The following GPT variants were observed in gnomAD, a reference collection of about 807,000 sequenced individuals.
GPT encodes the protein alanine aminotransferase 1.
A neutral mutation model predicts 51.4 loss-of-function variants in GPT; 60 were observed. The observed-to-expected ratio is 1.17, with a 90% CI of 0.95 to 1.45. The LOEUF is 1.45. Ranked by LOEUF, GPT falls within the 40% of genes most tolerant of loss-of-function variation. The pLI is 0.00. For missense variants in GPT, 853 were observed against 704.0 expected, an observed-to-expected ratio of 1.21 and a Z score of -2.40; for synonymous variants, 397 against 303.1, an observed-to-expected ratio of 1.31 and a Z score of -3.22.
rs1458339271 is a variant in GPT at position 144,505,244 on chromosome 8, A to C, written c.496-2A>C. 3.1e-6 allele frequency: 5 copies of C among 1,607,674 alleles called. No individual in the cohort carries two copies. The East Asian group carries it at 1.1e-4, about 36-fold the overall frequency. On this transcript the variant is annotated splice_acceptor_variant, in intron 4 of 10. Transcript: ENST00000394955. LOFTEE classifies it high-confidence loss of function. Reference sequence around the variant, plus strand: ...ACCCTGCCTTCCCCTTCCTTTCCGCAGACGGTGCTGAAGCTGCTGGTGGCC... The same window carrying C: ...ACCCTGCCTTCCCCTTCCTTTCCGCCGACGGTGCTGAAGCTGCTGGTGGCC...
chr8:144,505,504 G>A lies in GPT; in HGVS notation c.739+15G>A, dbSNP rs1214150855. On this transcript the variant is annotated intron_variant, in intron 5 of 10. Coordinates refer to ENST00000394955, the MANE Select transcript of GPT (RefSeq NM_005309.3). ...CAACCCCACCGGTGCGTTCCCCGCC[G>A]CCCCGCCCCACTCCCCCCGCGCCCA... The A allele has an allele frequency of 3.5e-6, 4 of 1,132,756 alleles. No individual in the cohort carries two copies. Among genetic ancestry groups the A allele is most frequent in the South Asian group, 1.3e-5 (1 of 74,378 alleles). The allele number at this position is 1,132,756 out of a possible 1,614,324, so 70.2% of individuals were successfully genotyped here. A position where few individuals can be genotyped will look rare whatever the true frequency, so the allele number is the denominator to read the frequency against.
In GPT at chr8:144,505,863, G is replaced by C. The variant is rs1358575854; in HGVS notation, c.755G>C (p.Arg252Pro). 1 of 1,554,352 alleles carries C rather than the reference G, an allele frequency of 6.4e-7. No individual in the cohort carries two copies. Among genetic ancestry groups the C allele is most frequent in the Admixed American group, 1.9e-5 (1 of 51,664 alleles). The change falls in exon 6 of 11, where the codon CGC (arginine) becomes CCC (proline). Residue 252 changes from arginine (R) to proline (P), a missense_variant. Physicochemically the swap from Arg to Pro is moderately radical, Grantham distance 103. Transcript: ENST00000394955. ...PGNPTGQVQTRECIEAVIRFA... is the reference protein window; with the variant it reads ...PGNPTGQVQTPECIEAVIRFA... ...GGCACCCCAGGGCAGGTGCAGACCC[G>C]CGAGTGCATCGAGGCCGTGATCCGC... is the stretch of plus-strand genomic sequence containing the variant.
chr8:144,504,079 C>G, upstream of GPT: 1 of 602,082 alleles, frequency 1.7e-6, no homozygotes, highest in Non-Finnish European at 3.0e-6. Context: ...CAGAGCTGTT[C>G]CCAGACGGGT....
chr8:144,506,446 G>A lies in GPT; in HGVS notation c.1131+40G>A. ...GGAGGGGGTCCAGGTGACCTAATCA[G>A]GGGTGGGGGATGCCGAGTGCCGTGC... On this transcript the variant is annotated intron_variant, in intron 8 of 10. Coordinates refer to ENST00000394955, the MANE Select transcript of GPT (RefSeq NM_005309.3). The surrounding 1 kb of genome is among the most constrained non-coding windows in gnomAD (Gnocchi z 7.0). The A allele has an allele frequency of 6.4e-7, 1 of 1,569,632 alleles. No individual in the cohort carries two copies.
rs765483408 is a variant in GPT at position 144,504,592 on chromosome 8, C to T, written c.163-12C>T. On this transcript the variant is annotated splice_polypyrimidine_tract_variant and intron_variant, in intron 1 of 10. Coordinates refer to ENST00000394955, the MANE Select transcript of GPT (RefSeq NM_005309.3). Reference sequence around the variant, plus strand: ...GGGCACAGTCTCCCTGCCTGCTCCCCTCCCCTCCCAGGGTGTGAAGAAGCC... The same window carrying T: ...GGGCACAGTCTCCCTGCCTGCTCCCTTCCCCTCCCAGGGTGTGAAGAAGCC... 2.4e-5 allele frequency: 39 copies of T among 1,612,388 alleles called. No individual in the cohort carries two copies. The highest frequency in any genetic ancestry group is 2.2e-5 in the South Asian group (2 of 91,084).
In GPT at chr8:144,504,292, T is replaced by G. The variant is rs770110037; in HGVS notation, c.-13T>G. The G allele has an allele frequency of 1.2e-6, 2 of 1,606,506 alleles. No individual in the cohort carries two copies. The highest frequency in any genetic ancestry group is 1.7e-6 in the Non-Finnish European group (2 of 1,179,706). On this transcript the variant is annotated 5_prime_UTR_variant, in exon 1 of 11. Coordinates refer to ENST00000394955, the MANE Select transcript of GPT (RefSeq NM_005309.3). ...CCTCCTGAGCTGCCTTCCCGCCTGG[T>G]CTGGGTAGAGTCATGGCCTCGAGCA...
Position 144,506,723 on chromosome 8 carries a change from G to C in GPT, c.1288-8G>C, listed in dbSNP as rs1243215630. On this transcript the variant is annotated splice_polypyrimidine_tract_variant and splice_region_variant and intron_variant, in intron 9 of 10. Coordinates refer to ENST00000394955, the MANE Select transcript of GPT (RefSeq NM_005309.3). This position sits in a 1 kb window ranked among gnomAD's most constrained non-coding sequence, Gnocchi z 7.0. Reference sequence around the variant, plus strand: ...GGGCATCCCTCTCTGACGGCTCTCCGTCCACAGGAGCTGGGCCTGGCCCCC... The same window carrying C: ...GGGCATCCCTCTCTGACGGCTCTCCCTCCACAGGAGCTGGGCCTGGCCCCC... 2 of 1,610,230 alleles carry C rather than the reference G, an allele frequency of 1.2e-6. No individual in the cohort carries two copies. Among genetic ancestry groups the C allele is most frequent in the Non-Finnish European group, 1.7e-6 (2 of 1,179,346 alleles).
Position 144,504,777 on chromosome 8 carries a change from G to A in GPT, c.259G>A (p.Ala87Thr). 1.9e-6 allele frequency: 3 copies of A among 1,613,648 alleles called. No individual in the cohort carries two copies. The highest frequency in any genetic ancestry group is 2.5e-6 in the Non-Finnish European group (3 of 1,179,988). Reference protein sequence around the residue: ...RPITFLRQVLALCVNPDLLSS... With the variant: ...RPITFLRQVLTLCVNPDLLSS... ...CAGCACTCCGTCTTCCCAGGTCTTG[G>A]CCCTCTGTGTTAACCCTGATCTTCT... Residue 87 changes from alanine (A) to threonine (T), a missense_variant, in exon 3 of 11, where the codon GCC becomes ACC. Coordinates refer to ENST00000394955, the MANE Select transcript of GPT (RefSeq NM_005309.3).
chr8:144,506,595 A>C lies in GPT; in HGVS notation c.1226A>C (p.Gln409Pro). 3.8e-6 allele frequency: 6 copies of C among 1,558,556 alleles called. No individual in the cohort carries two copies. The highest frequency in any genetic ancestry group is 5.2e-6 in the Non-Finnish European group (6 of 1,151,854). The part of the protein sequence containing the change: ...EAPGISCNPV[Q>P]GAMYSFPRVQ... The stretch of plus-strand genomic sequence containing the variant: ...CCTGGCATCAGCTGCAACCCAGTGC[A>C]GGGCGCCATGTACTCCTTCCCGCGC... Residue 409 changes from glutamine (Q) to proline (P), a missense_variant, in exon 9 of 11, where the codon CAG (glutamine) becomes CCG (proline). Transcript: ENST00000394955. The surrounding 1 kb of genome is among the most constrained non-coding windows in gnomAD (Gnocchi z 7.0).
At position 144,504,611 on chromosome 8, in the gene GPT, A is replaced by C; in HGVS notation, c.170A>C (p.Lys57Thr). Reference protein sequence around the residue: ...ELEQELRQGVKKPFTEVIRAN... With the variant: ...ELEQELRQGVTKPFTEVIRAN... ...GCTCCCCTCCCCTCCCAGGGTGTGA[A>C]GAAGCCTTTCACCGAGGTCATCCGT... is the stretch of plus-strand genomic sequence containing the variant. Residue 57 changes from lysine to threonine, a missense_variant, in exon 2 of 11, where the codon AAG (lysine) becomes ACG (threonine). Coordinates refer to ENST00000394955, the MANE Select transcript of GPT (RefSeq NM_005309.3). The C allele has an allele frequency of 6.2e-7, 1 of 1,613,020 alleles. No homozygotes were observed. Among genetic ancestry groups the C allele is most frequent in the Non-Finnish European group, 8.5e-7 (1 of 1,179,952 alleles).
chr8:144,504,339 T>C lies in GPT; in HGVS notation c.35T>C (p.Val12Ala). 2 of 1,610,532 alleles carry C rather than the reference T, an allele frequency of 1.2e-6. No individual in the cohort carries two copies. The highest frequency in any genetic ancestry group is 1.7e-6 in the Non-Finnish European group (2 of 1,179,862). The change falls in exon 1 of 11, where the codon GTG becomes GCG. Residue 12 changes from valine (V) to alanine (A), a missense_variant. Val to Ala is a moderately conservative substitution (Grantham distance 64, BLOSUM62 0). Transcript: ENST00000394955. ...AGCACAGGTGACCGGAGCCAGGCGG[T>C]GAGGCATGGACTGAGGGCGAAGGTG... Reference protein sequence around the residue: ...ASSTGDRSQAVRHGLRAKVLT... With the variant: ...ASSTGDRSQAARHGLRAKVLT...
Position 144,506,386 on chromosome 8 carries a change from T to A in GPT, c.1111T>A (p.Ser371Thr). The stretch of plus-strand genomic sequence containing the variant: ...CAGCCCGCCCGCGCCCACCGACCCC[T>A]CCTTTGCGCAGTTCCAGGCTGTGAG... ...VVSPPAPTDP[S>T]FAQFQAEKQA... The change falls in exon 8 of 11, where the codon TCC (serine) becomes ACC (threonine). Residue 371 changes from serine to threonine, a missense_variant. By Grantham distance (58) the Ser-to-Thr change is moderately conservative. Transcript: ENST00000394955. The surrounding 1 kb of genome is among the most constrained non-coding windows in gnomAD (Gnocchi z 7.0). 2 of 1,559,598 alleles carry A rather than the reference T, an allele frequency of 1.3e-6. No homozygotes were observed. The highest frequency in any genetic ancestry group is 1.7e-6 in the Non-Finnish European group (2 of 1,155,286).
rs775104723 is a variant in GPT at position 144,506,636 on chromosome 8, C to A, written c.1267C>A (p.Arg423=). The A allele has an allele frequency of 8.5e-6, 11 of 1,301,144 alleles. No individual in the cohort carries two copies. Among genetic ancestry groups the A allele is most frequent in the Admixed American group, 2.4e-5 (1 of 42,538 alleles). 80.6% of individuals were successfully genotyped at this position (1,301,144 alleles called of 1,614,324 possible). A position where few individuals can be genotyped will look rare whatever the true frequency, so the allele number is the denominator to read the frequency against. Residue 423 remains arginine (R), a synonymous_variant, in exon 9 of 11, where the codon CGG becomes AGG. Transcript: ENST00000394955. The surrounding 1 kb of genome is among the most constrained non-coding windows in gnomAD (Gnocchi z 7.0). ...CTTCCCGCGCGTGCAGCTGCCCCCGCGGGCGGTGGAGCGCGCTCAGGTCAG... is the reference window on the plus strand; with the variant it reads ...CTTCCCGCGCGTGCAGCTGCCCCCGAGGGCGGTGGAGCGCGCTCAGGTCAG... ...YSFPRVQLPP[R]AVERAQELGL... is the part of the protein sequence containing the mutation.
Position 144,506,661 on chromosome 8 carries a change from G to A in GPT, c.1287+5G>A. On this transcript the variant is annotated splice_donor_5th_base_variant and intron_variant, in intron 9 of 10. Transcript: ENST00000394955. The surrounding 1 kb of genome is among the most constrained non-coding windows in gnomAD (Gnocchi z 7.0). The stretch of plus-strand genomic sequence containing the variant: ...CGGGCGGTGGAGCGCGCTCAGGTCA[G>A]GCGGGGGCGGGGCCTGCGGGGTGGG... 6.4e-7 allele frequency: 1 copy of A among 1,558,580 alleles called. No homozygotes were observed. Among genetic ancestry groups the A allele is most frequent in the Non-Finnish European group, 8.7e-7 (1 of 1,151,458 alleles).
chr8:144,506,601 C>G lies in GPT; in HGVS notation c.1232C>G (p.Ala411Gly). 6.4e-7 allele frequency: 1 copy of G among 1,566,842 alleles called. No individual in the cohort carries two copies. The highest frequency in any genetic ancestry group is 8.7e-7 in the Non-Finnish European group (1 of 1,156,060). The change falls in exon 9 of 11, where the codon GCC (alanine) becomes GGC (glycine). Residue 411 changes from alanine (A) to glycine (G), a missense_variant. By Grantham distance (60) the Ala-to-Gly change is moderately conservative. Transcript: ENST00000394955. The surrounding 1 kb of genome is among the most constrained non-coding windows in gnomAD (Gnocchi z 7.0). ...PGISCNPVQG[A>G]MYSFPRVQLP... ...ATCAGCTGCAACCCAGTGCAGGGCGCCATGTACTCCTTCCCGCGCGTGCAG... is the reference window on the plus strand; with the variant it reads ...ATCAGCTGCAACCCAGTGCAGGGCGGCATGTACTCCTTCCCGCGCGTGCAG...
chr8:144,503,856 G>C, upstream of GPT: 1 of 222,982 alleles, frequency 4.5e-6, no homozygotes, highest in Non-Finnish European at 9.1e-6. Flanking sequence ...GCCCCTCAGG[G>C]CTGCTGGGCA....
In GPT at chr8:144,506,325, G is replaced by A. The variant is rs745919002; in HGVS notation, c.1050G>A (p.Pro350=). The A allele has an allele frequency of 1.6e-5, 25 of 1,581,562 alleles. No individual in the cohort carries two copies. In the South Asian group the frequency reaches 2.2e-4, roughly 14 times the overall value. The change falls in exon 8 of 11, where the codon CCG becomes CCA. Residue 350 remains proline, a synonymous_variant. Transcript: ENST00000394955. The surrounding 1 kb of genome is among the most constrained non-coding windows in gnomAD (Gnocchi z 7.0). ...MLKLMSVRLC[P]PVPGQALLDL... ...AGCTGATGAGTGTGCGGCTGTGCCCGCCGGTGCCAGGACAGGCCCTGCTGG... is the reference window on the plus strand; with the variant it reads ...AGCTGATGAGTGTGCGGCTGTGCCCACCGGTGCCAGGACAGGCCCTGCTGG...
chr8:144,505,191 G>T (rs1309697354), intron 4 of GPT, 55 bp from the exon 5 acceptor site: 6 of 1,612,456 alleles, frequency 3.7e-6, no homozygotes, highest in Non-Finnish European at 5.1e-6. Flanking sequence ...CCCAGGGTGG[G>T]GGACAGGTGC....
rs1488326011 is a variant in GPT at position 144,507,053 on chromosome 8, C to CT, written c.*54dup. 1.1e-5 allele frequency: 10 copies of CT among 916,174 alleles called. No homozygotes were observed. In the Admixed American group the frequency reaches 1.5e-4, roughly 14 times the overall value. 56.8% of individuals were successfully genotyped at this position (916,174 alleles called of 1,614,324 possible). A position where few individuals can be genotyped will look rare whatever the true frequency, so the allele number is the denominator to read the frequency against. ...GCCCTGGACTGTGTGCTCAGGAGCCCTGGGAGGCTCTGGAGCCCACTGTAC... is the reference window on the plus strand; with the variant it reads ...GCCCTGGACTGTGTGCTCAGGAGCCCTTGGGAGGCTCTGGAGCCCACTGTAC... On this transcript the variant is annotated 3_prime_UTR_variant, in exon 11 of 11. Transcript: ENST00000394955.
Sources: allele counts gnomAD v4.1 joint callset, GRCh38; gene constraint gnomAD v4.1.1; non-coding constraint Gnocchi (gnomAD v3.1); transcripts MANE v1.5; gene names NCBI Gene and HGNC (gene_info 2026-07-23, HGNC 2026-07-21).